NAV1: variants seen among roughly 807,000 people sequenced by gnomAD.
NAV1 encodes pore membrane and/or filament interacting like protein 3.
A neutral mutation model predicts 175.2 loss-of-function variants in NAV1; 18 were observed. That is an observed-to-expected ratio of 0.10 (90% CI 0.07 to 0.15). The LOEUF (loss-of-function observed/expected upper bound fraction) is 0.15, where lower values mean the gene tolerates loss of function less well. Ranked by LOEUF, NAV1 falls within the 10% of genes least tolerant of loss-of-function variation. The pLI is 1.00. For missense variants in NAV1, 1,731 were observed against 2,436.6 expected (o/e 0.71, Z 6.10); for synonymous variants, 897 against 978.7 (o/e 0.92, Z 1.56).
At chr1:201,579,562 G>A (rs1666788611) in intron 1 of NAV1, among the ~76,000 whole-genome samples, 1 of 152,084 alleles carries the variant, frequency 6.6e-6, no homozygotes, top group Non-Finnish European at 1.5e-5. Context: ...CACCATGTTG[G>A]CCAGGCTGGT....
At chr1:201,662,125 G>A (rs1167083112) in intron 1 of NAV1, among the ~76,000 whole-genome samples, 1 of 152,232 alleles carries the variant, frequency 6.6e-6, no homozygotes, top group Non-Finnish European at 1.5e-5. Context: ...TCTCTCCAGT[G>A]GAGAGCACTG....
At chr1:201,803,932 A>T (rs1678109694) in intron 16 of NAV1, 1 of 594,350 alleles carries the variant, frequency 1.7e-6, no homozygotes, top group Non-Finnish European at 3.0e-6. Flanking sequence ...CTTTATATGC[A>T]TCTGCTTTCT....
At chr1:201,779,085 T>A (rs1399255634) in intron 3 of NAV1, among the ~76,000 whole-genome samples, 2 of 152,208 alleles carry the variant, frequency 1.3e-5, no homozygotes, top group Non-Finnish European at 2.9e-5. Context: ...TGAAGAACTT[T>A]TTAAGGTCCA....
At chr1:201,689,391 A>G (rs1012674202) in intron 1 of NAV1, among the ~76,000 whole-genome samples, 1 of 152,130 alleles carries the variant, frequency 6.6e-6, no homozygotes, top group Non-Finnish European at 1.5e-5. Context: ...ATTCTCTCTT[A>G]AATCATGTCA....
At chr1:201,692,030 A>G (rs1202876379) in intron 1 of NAV1, among the ~76,000 whole-genome samples, 1 of 152,134 alleles carries the variant, frequency 6.6e-6, no homozygotes, top group African/African-American at 2.4e-5. Flanking sequence ...TTTCCAGGCC[A>G]TATCTCTTTT....
chr1:201,575,838 T>C (rs561743214), intron 1 of NAV1, among the ~76,000 whole-genome samples: 1 of 152,322 alleles, frequency 6.6e-6, no homozygotes, highest in South Asian at 2.1e-4. Context: ...TCTTGGTCCT[T>C]GATCACCAGG....
At chr1:201,543,942 A>G (rs994975614) in intron 1 of NAV1, among the ~76,000 whole-genome samples, 7 of 152,198 alleles carry the variant, frequency 4.6e-5, no homozygotes, top group Admixed American at 3.3e-4. Flanking sequence ...AAAGGGCTGT[A>G]TCTTCCTGTC....
chr1:201,683,623 G>T (rs1238636445), intron 1 of NAV1, among the ~76,000 whole-genome samples: 2 of 152,184 alleles, frequency 1.3e-5, no homozygotes, highest in East Asian at 3.8e-4. Context: ...CTGCTGTGTG[G>T]CATACTCACC....
At chr1:201,544,795 G>A (rs1175019779) in intron 1 of NAV1, among the ~76,000 whole-genome samples, 2 of 152,206 alleles carry the variant, frequency 1.3e-5, no homozygotes, top group African/African-American at 4.8e-5. Context: ...CAACTACCAT[G>A]CATCTGTCCC....
chr1:201,722,819 A>G (rs1358571906), intron 3 of NAV1, among the ~76,000 whole-genome samples: 1 of 152,204 alleles, frequency 6.6e-6, no homozygotes, highest in Non-Finnish European at 1.5e-5. Context: ...TATAGTAGCC[A>G]TCCTGGCCAG....
At chr1:201,571,671 C>T (rs1002655066) in intron 1 of NAV1, among the ~76,000 whole-genome samples, 4 of 152,224 alleles carry the variant, frequency 2.6e-5, no homozygotes, top group African/African-American at 4.8e-5. Flanking sequence ...CCTGGCTAGG[C>T]GTTCTGTTTT....
At chr1:201,638,362 A>T (rs1668665135) in intron 2 of NAV1, among the ~76,000 whole-genome samples, 2 of 152,138 alleles carry the variant, frequency 1.3e-5, no homozygotes, top group Admixed American at 6.5e-5. Context: ...CCTCTGCCAC[A>T]TTCTCACTCC....
chr1:201,727,979 C>T (rs79964200), intron 3 of NAV1, among the ~76,000 whole-genome samples: 1,763 of 152,236 alleles, frequency 0.012, 55 homozygotes, highest in East Asian at 0.11. Flanking sequence ...CATACAGGAA[C>T]AGTGACTGCA....
chr1:201,652,847 G>T (rs1320330172), intron 1 of NAV1, among the ~76,000 whole-genome samples: 1 of 152,186 alleles, frequency 6.6e-6, no homozygotes, highest in Non-Finnish European at 1.5e-5. Context: ...TAAGACCATT[G>T]TAAGTTGAAA....
At chr1:201,735,176 T>C (rs958450997) in intron 3 of NAV1, among the ~76,000 whole-genome samples, 1 of 152,174 alleles carries the variant, frequency 6.6e-6, no homozygotes, top group East Asian at 1.9e-4. Flanking sequence ...CCTGTCAATC[T>C]GAGCCCCACA....
At chr1:201,560,243 A>G (rs1203445330) in intron 1 of NAV1, among the ~76,000 whole-genome samples, 4 of 152,204 alleles carry the variant, frequency 2.6e-5, no homozygotes, top group Non-Finnish European at 4.4e-5. Flanking sequence ...TGTAAAACCC[A>G]TTAAGGATCT....
At chr1:201,641,025 G>A (rs1056127422) in intron 2 of NAV1, among the ~76,000 whole-genome samples, 2 of 152,138 alleles carry the variant, frequency 1.3e-5, no homozygotes, top group Non-Finnish European at 2.9e-5. Context: ...CAGGGAAGGC[G>A]GCCTAGAGGA....
intron 1 of NAV1, among the ~76,000 whole-genome samples, chr1:201,694,000 C>T (rs545338547): frequency 6.6e-6 from 1 of 152,328 alleles, no homozygotes; most frequent in African/African-American, 2.4e-5. Flanking sequence ...GCTTGGTGCT[C>T]CTGTACAAAA....
intron 24 of NAV1, among the ~76,000 whole-genome samples, 174 bp from the exon 29 acceptor site, chr1:201,811,429 A>C (rs61821750): frequency 0.084 from 12,734 of 152,152 alleles, 890 homozygotes; most frequent in East Asian, 0.35. Flanking sequence ...GTTGCTTTAG[A>C]GCCTTTGCAA....
Sources: gnomAD v4.1 joint callset for allele counts (sites outside exome capture counted in the v4.1 genomes callset) on GRCh38, gnomAD v4.1.1 for gene constraint, MANE v1.5 for transcripts, NCBI Gene and HGNC (gene_info 2026-07-23, HGNC 2026-07-21) for gene names.